The following QKI variants were observed in gnomAD, a reference collection of about 807,000 sequenced individuals.
QKI encodes QKI, KH domain containing RNA binding.
A neutral mutation model predicts 39.0 loss-of-function variants in QKI; 10 were observed. The observed-to-expected ratio is 0.26, with a 90% CI of 0.16 to 0.43. The LOEUF is 0.43. Ranked by LOEUF, QKI falls within the 20% of genes least tolerant of loss-of-function variation. The pLI is 1.00. For missense variants in QKI, 218 were observed against 428.0 expected (o/e 0.51, Z 4.33); for synonymous variants, 204 against 155.4 (o/e 1.31, Z -2.33).
At position 163,568,261 on chromosome 6, in the gene QKI, T is replaced by C. The variant is rs964309405; in HGVS notation, c.1009+1466T>C. The C allele has an allele frequency of 2.2e-5, 22 of 985,240 alleles. No homozygotes were observed. In the African/African-American group the frequency reaches 3.8e-4, roughly 17 times the overall value. 61.0% of individuals were successfully genotyped at this position (985,240 alleles called of 1,614,324 possible). The stretch of plus-strand genomic sequence containing the variant: ...TTTAAAGTAGTTTTTTTCCCCCAGC[T>C]AATCTTTCCCTATGTATGCCCCCTT... On this transcript the variant is annotated intron_variant, in intron 7 of 7. Transcript: ENST00000361752.
intron 4 of QKI, among the ~76,000 whole-genome samples, chr6:163,535,981 A>G (rs571979326): frequency 9.5e-4 from 144 of 152,262 alleles, no homozygotes; most frequent in African/African-American, 3.3e-3. Flanking sequence ...TGTCCAACAA[A>G]AAGCATTGGC....
chr6:163,428,591 C>T (rs1356580579), intron 1 of QKI, among the ~76,000 whole-genome samples: 2 of 152,086 alleles, frequency 1.3e-5, no homozygotes, highest in Non-Finnish European at 2.9e-5. Context: ...TTACGACATA[C>T]TGTTAGCTTT....
intron 1 of QKI, among the ~76,000 whole-genome samples, chr6:163,434,943 A>G (rs955527641): frequency 1.3e-5 from 2 of 152,118 alleles, no homozygotes; most frequent in Non-Finnish European, 2.9e-5. Context: ...ATTTGTACAG[A>G]TGGTAAATTA....
At position 163,449,512 on chromosome 6, in the gene QKI, A is replaced by G. The variant is rs146169578; in HGVS notation, c.143-5767A>G. Among the ~76,000 whole-genome samples the G allele has an allele frequency of 3.3e-3, 499 of 152,342 alleles. 6 individuals carry two copies. The highest frequency in any genetic ancestry group is 0.011 in the African/African-American group (460 of 41,588). The stretch of plus-strand genomic sequence containing the variant: ...TGCAAGTTGAGCAATTGAATCAGCT[A>G]CCACAACACTAAGTATAAGATGCAT... On this transcript the variant is annotated intron_variant, in intron 1 of 7. Coordinates refer to ENST00000361752, the MANE Select transcript of QKI (RefSeq NM_006775.3).
chr6:163,546,402 CTTACTATAT>C (rs1459296508), intron 4 of QKI, among the ~76,000 whole-genome samples: 1 of 151,874 alleles, frequency 6.6e-6, no homozygotes, highest in African/African-American at 2.4e-5. Context: ...TCACATGTCC[CTTACTATAT>C]TTAATGTGCC....
intron 1 of QKI, among the ~76,000 whole-genome samples, chr6:163,447,637 AGTT>A (rs935279386): frequency 2.6e-5 from 4 of 152,076 alleles, no homozygotes; most frequent in African/African-American, 9.7e-5. Flanking sequence ...ACTGAGCATT[AGTT>A]GTTTTTTCTT....
In QKI at chr6:163,567,587, T is replaced by G. The variant is rs1028881701; in HGVS notation, c.1009+792T>G. ...TCATTTTTCTCCTTTACAACTTTTATAATTTGTGTCCTGTATATGCCCTTG... is the reference window on the plus strand; with the variant it reads ...TCATTTTTCTCCTTTACAACTTTTAGAATTTGTGTCCTGTATATGCCCTTG... On this transcript the variant is annotated intron_variant, in intron 7 of 7. Coordinates refer to ENST00000361752, the MANE Select transcript of QKI (RefSeq NM_006775.3). The G allele has an allele frequency of 9.2e-6, 9 of 983,168 alleles. No individual in the cohort carries two copies. The African/African-American group carries it at 1.6e-4, about 17-fold the overall frequency. The allele number at this position is 983,168 out of a possible 1,614,324, so 60.9% of individuals were successfully genotyped here.
At chr6:163,454,268 T>G (rs1004552608) in intron 1 of QKI, among the ~76,000 whole-genome samples, 1 of 152,114 alleles carries the variant, frequency 6.6e-6, no homozygotes, top group South Asian at 2.1e-4. Context: ...TCCATTTTCT[T>G]TATGGGACTC....
chr6:163,540,467 A>T (rs1781442353), intron 4 of QKI, among the ~76,000 whole-genome samples: 1 of 152,180 alleles, frequency 6.6e-6, no homozygotes, highest in Non-Finnish European at 1.5e-5. Context: ...TTAGTAAATC[A>T]GTTCAAATCT....
intron 6 of QKI, chr6:163,564,372 T>C (rs949385689): frequency 4.6e-5 from 55 of 1,197,196 alleles, no homozygotes; most frequent in African/African-American, 6.2e-5. Context: ...TATAATCTTA[T>C]GGGACCACAT....
At position 163,511,245 on chromosome 6, in the gene QKI, GA is replaced by G. The variant is rs766315852; in HGVS notation, c.403-23734del. 7.2e-5 allele frequency among the ~76,000 whole-genome samples: 11 copies of G among 152,140 alleles called. No individual in the cohort carries two copies. The South Asian group carries it at 2.3e-3, about 32-fold the overall frequency. ...GATGAAGCTAAAGCAGTGTTTGGAG[GA>G]AATTTATATATTTAATTATGTTGGA... On this transcript the variant is annotated intron_variant, in intron 3 of 7. Transcript: ENST00000361752.
chr6:163,525,553 T>G (rs545068804), intron 3 of QKI, among the ~76,000 whole-genome samples: 16 of 152,230 alleles, frequency 1.1e-4, no homozygotes, highest in Admixed American at 2.6e-4. Context: ...GAGATGGGGT[T>G]TTGCCGTGTC....
At position 163,563,365 on chromosome 6, in the gene QKI, C is replaced by T. The variant is rs917080984; in HGVS notation, c.635-55C>T. On this transcript the variant is annotated intron_variant, in intron 5 of 7. Transcript: ENST00000361752. The stretch of plus-strand genomic sequence containing the variant: ...TTTTCCTACTCCCTTCTCATTTTTC[C>T]GTATTTTATACTGCTGTCTCTATAC... 210 of 1,440,128 alleles carry T rather than the reference C, an allele frequency of 1.5e-4. 1 individual carries two copies. The highest frequency in any genetic ancestry group is 2.2e-4 in the South Asian group (16 of 71,620). The allele number at this position is 1,440,128 out of a possible 1,614,324, so 89.2% of individuals were successfully genotyped here. A position where few individuals can be genotyped will look rare whatever the true frequency, so the allele number is the denominator to read the frequency against.
At chr6:163,501,208 A>G (rs772139436) in intron 3 of QKI, among the ~76,000 whole-genome samples, 13 of 151,830 alleles carry the variant, frequency 8.6e-5, no homozygotes, top group Non-Finnish European at 1.9e-4. Flanking sequence ...AGTGCTCCCC[A>G]CCCAACACTG....
At chr6:163,536,442 A>AT (rs1781215819) in intron 4 of QKI, among the ~76,000 whole-genome samples, 1 of 152,212 alleles carries the variant, frequency 6.6e-6, no homozygotes, top group Non-Finnish European at 1.5e-5. Context: ...TATGTTGATC[A>AT]ACTGTCAGGC....
Position 163,575,308 on chromosome 6 carries a change from TTATG to T in QKI, c.*4602_*4605del, listed in dbSNP as rs1278783180. 5.3e-5 allele frequency: 8 copies of T among 152,204 alleles called. No homozygotes were observed. Among genetic ancestry groups the T allele is most frequent in the Non-Finnish European group, 7.3e-5 (5 of 68,030 alleles). The allele number at this position is 152,204 out of a possible 1,614,324, so 9.4% of individuals were successfully genotyped here. A position where few individuals can be genotyped will look rare whatever the true frequency, so the allele number is the denominator to read the frequency against. ...CATCTCATTTTCAGTTAAGGGTACT[TTATG>T]TATAATTATGTCATTGCTGCCTTTT... On this transcript the variant is annotated 3_prime_UTR_variant, in exon 8 of 8. Coordinates refer to ENST00000361752, the MANE Select transcript of QKI (RefSeq NM_006775.3).
intron 3 of QKI, among the ~76,000 whole-genome samples, chr6:163,495,134 C>T (rs932853413): frequency 2.0e-5 from 3 of 152,048 alleles, no homozygotes; most frequent in Non-Finnish European, 4.4e-5. Context: ...ACGCTGGTCT[C>T]GAACTCCTGA....
rs772762684 is a variant in QKI at position 163,566,813 on chromosome 6, G to A, written c.1009+18G>A. The A allele has an allele frequency of 3.1e-6, 5 of 1,612,562 alleles. No homozygotes were observed. In the Admixed American group the frequency reaches 6.7e-5, roughly 22 times the overall value. ...AGACCGAGGTTAGTTTAGTTCTGCA[G>A]TTCTTGTCTATAAGAAATGCGTTGG... On this transcript the variant is annotated intron_variant, in intron 7 of 7. Transcript: ENST00000361752.
At chr6:163,454,501 A>G (rs1790789021) in intron 1 of QKI, among the ~76,000 whole-genome samples, 1 of 152,036 alleles carries the variant, frequency 6.6e-6, no homozygotes, top group Non-Finnish European at 1.5e-5. Context: ...CCAAGGTACC[A>G]TCTTTTGCTG....
Sources: allele counts gnomAD v4.1 joint callset (sites outside exome capture counted in the v4.1 genomes callset), GRCh38; gene constraint gnomAD v4.1.1; transcripts MANE v1.5; gene names NCBI Gene and HGNC (gene_info 2026-07-23, HGNC 2026-07-21).